ARVCF: variants seen among roughly 807,000 people sequenced by gnomAD.
ARVCF encodes the protein ARVCF delta catenin family member, also known as splicing regulator ARVCF.
In ARVCF, 66 loss-of-function variants were observed where a neutral mutation model predicts 90.9. The ratio of observed to expected loss-of-function variants is 0.73; its 90% CI spans 0.60 to 0.89. The LOEUF is 0.89. Ranked by LOEUF, ARVCF falls within the 40% of genes least tolerant of loss-of-function variation. The pLI, the probability that ARVCF is intolerant of heterozygous loss-of-function variation, is 0.00. For missense variants in ARVCF, 1,469 were observed against 1,382.3 expected (o/e 1.06, Z -1.00); for synonymous variants, 653 against 603.4 (o/e 1.08, Z -1.21).
intron 18 of ARVCF, 22 bp from the exon 19 acceptor site, chr22:19,971,357 T>C (rs906930923): frequency 1.8e-5 from 28 of 1,546,560 alleles, no homozygotes; most frequent in Non-Finnish European, 2.4e-5. Flanking sequence ...GGGTGGGCAT[T>C]AGAGGCACAA....
intron 2 of ARVCF, among the ~76,000 whole-genome samples, chr22:20,009,034 CCT>C (rs1944735170): frequency 6.6e-6 from 1 of 152,172 alleles, no homozygotes; most frequent in South Asian, 2.1e-4. Context: ...TCCTGCGGAC[CCT>C]GTTACCAGGG....
chr22:19,988,980 C>A (rs1271437248), intron 3 of ARVCF, among the ~76,000 whole-genome samples: 1 of 152,146 alleles, frequency 6.6e-6, no homozygotes, highest in African/African-American at 2.4e-5. Context: ...CCCACCAGGG[C>A]ATCAACCCTC....
chr22:19,984,611 C>A (rs1193871464), intron 3 of ARVCF, among the ~76,000 whole-genome samples: 1 of 152,216 alleles, frequency 6.6e-6, no homozygotes, highest in Non-Finnish European at 1.5e-5. Context: ...GGGACACATG[C>A]ATGTACATAC....
At chr22:19,990,540 T>C (rs748237829) in intron 3 of ARVCF, 45 bp downstream of exon 3, 2 of 1,558,572 alleles carry the variant, frequency 1.3e-6, no homozygotes, top group Non-Finnish European at 1.7e-6. Flanking sequence ...CTGATTGTTT[T>C]CCCACTTGGC....
At chr22:20,016,017 G>A (rs556968889) in intron 1 of ARVCF, among the ~76,000 whole-genome samples, 13 of 152,350 alleles carry the variant, frequency 8.5e-5, no homozygotes, top group Admixed American at 6.5e-4. Context: ...CACCGAGGGG[G>A]CGCAGGGCGG....
Position 19,990,808 on chromosome 22 carries a change from G to T in ARVCF, c.-14C>A. 6.5e-7 allele frequency: 1 copy of T among 1,546,648 alleles called. No homozygotes were observed. The highest frequency in any genetic ancestry group is 8.7e-7 in the Non-Finnish European group (1 of 1,143,466). Reference sequence around the variant, plus strand: ...GCAGTCCTCCATGACCAGAGCGCCCGCCAGCTGCAGGCAAAGCAGAGTAAG... The same window carrying T: ...GCAGTCCTCCATGACCAGAGCGCCCTCCAGCTGCAGGCAAAGCAGAGTAAG... On this transcript the variant is annotated 5_prime_UTR_variant, in exon 3 of 20. Transcript: ENST00000263207.
In ARVCF at chr22:19,973,173, C is replaced by G; in HGVS notation, c.2384G>C (p.Arg795Pro). 6.2e-7 allele frequency: 1 copy of G among 1,610,502 alleles called. No homozygotes were observed. Among genetic ancestry groups the G allele is most frequent in the Non-Finnish European group, 8.5e-7 (1 of 1,179,138 alleles). The change falls in exon 14 of 20, where the codon CGC becomes CCC. Residue 795 changes from arginine to proline, a missense_variant. Arg to Pro is a moderately radical substitution (Grantham distance 103). Coordinates refer to ENST00000263207, the MANE Select transcript of ARVCF (RefSeq NM_001670.3). ...EIVSDSLDNA[R>P]SLLQARGVPA... ...CACCCCGCGTGCCTGCAGGAGCGAG[C>G]GCGCGTTATCCAGGCTGTCGGACAC...
At chr22:19,989,198 G>C (rs1420173521) in intron 3 of ARVCF, among the ~76,000 whole-genome samples, 1 of 151,860 alleles carries the variant, frequency 6.6e-6, no homozygotes, top group African/African-American at 2.4e-5. Flanking sequence ...AAGTCTGAGG[G>C]CTGTGAGAGT....
rs1312311727 is a variant in ARVCF, at chr22:19,980,049, G to A, written c.1090C>T (p.Leu364=). 1.9e-6 allele frequency: 3 copies of A among 1,583,004 alleles called. No individual in the cohort carries two copies. Among genetic ancestry groups the A allele is most frequent in the Non-Finnish European group, 2.6e-6 (3 of 1,163,316 alleles). The stretch of plus-strand genomic sequence containing the variant: ...TCCACGGGGTGCCGCAGCATGGCCA[G>A]CACCTCAGGCAGCTCAGGGTCCCGC... The part of the protein sequence containing the change: ...RWRDPELPEV[L]AMLRHPVDPV... The change falls in exon 6 of 20, where the codon CTG becomes TTG. Residue 364 remains leucine (L), a synonymous_variant. Coordinates refer to ENST00000263207, the MANE Select transcript of ARVCF (RefSeq NM_001670.3).
intron 1 of ARVCF, among the ~76,000 whole-genome samples, chr22:20,016,308 C>T (rs544427223): frequency 6.6e-6 from 1 of 152,234 alleles, no homozygotes; most frequent in Admixed American, 6.5e-5. Flanking sequence ...GCAAGACGCC[C>T]GGACGGGTAG....
intron 2 of ARVCF, among the ~76,000 whole-genome samples, chr22:20,000,707 GAGGT>G: frequency 6.6e-6 from 1 of 152,234 alleles, no homozygotes. Context: ...ACAGTATTAA[GAGGT>G]AGGGCCTTTA....
In ARVCF at chr22:19,981,623, C is replaced by T. The variant is rs1234609292; in HGVS notation, c.484G>A (p.Ala162Thr). The T allele has an allele frequency of 6.2e-7, 1 of 1,608,596 alleles. No homozygotes were observed. The highest frequency in any genetic ancestry group is 8.5e-7 in the Non-Finnish European group (1 of 1,179,812). ...CGCAGCAGGAAATGCCGGTCCAGGG[C>T]ACCATCTGCAAAAGGGCCTAGTGGG... Reference protein sequence around the residue: ...GPPLGPFADGALDRHFLLRGG... With the variant: ...GPPLGPFADGTLDRHFLLRGG... Residue 162 changes from alanine to threonine, a missense_variant, in exon 5 of 20, where the codon GCC (alanine) becomes ACC (threonine). Coordinates refer to ENST00000263207, the MANE Select transcript of ARVCF (RefSeq NM_001670.3).
intron 2 of ARVCF, among the ~76,000 whole-genome samples, chr22:20,001,173 C>T (rs752530266): frequency 1.2e-4 from 19 of 152,104 alleles, no homozygotes; most frequent in African/African-American, 3.9e-4. Context: ...TCTTGGACAC[C>T]GGGCAAGGCA....
At chr22:19,996,992 GA>G (rs1353129516) in intron 2 of ARVCF, among the ~76,000 whole-genome samples, 2 of 152,230 alleles carry the variant, frequency 1.3e-5, no homozygotes, top group Admixed American at 1.3e-4. Flanking sequence ...TGTCCAGGGA[GA>G]ATACTCAGAA....
At chr22:19,984,367 G>A (rs554585340) in intron 3 of ARVCF, among the ~76,000 whole-genome samples, 263 of 152,228 alleles carry the variant, frequency 1.7e-3, no homozygotes, top group Non-Finnish European at 2.6e-3. Context: ...CCACGCCCCC[G>A]CAGCAAGACC....
At chr22:19,979,429 T>C (rs1331357401) in intron 6 of ARVCF, 1 of 532,584 alleles carries the variant, frequency 1.9e-6, no homozygotes, top group Non-Finnish European at 3.3e-6. Context: ...GCCCCACCAC[T>C]GCACGGTTGG....
At chr22:19,996,473 AC>A (rs1449498263) in intron 2 of ARVCF, among the ~76,000 whole-genome samples, 1 of 152,214 alleles carries the variant, frequency 6.6e-6, no homozygotes, top group Non-Finnish European at 1.5e-5. Context: ...GGTGTGCAGG[AC>A]CCATCACACT....
intron 12 of ARVCF, 95 bp downstream of exon 12, chr22:19,974,017 C>A: frequency 6.5e-7 from 1 of 1,528,842 alleles, no homozygotes; most frequent in Non-Finnish European, 8.8e-7. Flanking sequence ...TGTGGCCCCT[C>A]CTTTCCCCGC....
At chr22:20,014,277 C>T (rs1944943638) in intron 1 of ARVCF, among the ~76,000 whole-genome samples, 2 of 151,970 alleles carry the variant, frequency 1.3e-5, no homozygotes, top group South Asian at 4.1e-4. Context: ...TCACTGCAAC[C>T]CTCACCTCCC....
Sources: allele counts gnomAD v4.1 joint callset (sites outside exome capture counted in the v4.1 genomes callset), GRCh38; gene constraint gnomAD v4.1.1; transcripts MANE v1.5; gene names NCBI Gene and HGNC (gene_info 2026-07-23, HGNC 2026-07-21).